The following MAP4K4 variants were observed in gnomAD, a reference collection of about 807,000 sequenced individuals.
MAP4K4 encodes HPK/GCK-like kinase HGK.
A neutral mutation model predicts 189.6 loss-of-function variants in MAP4K4; 38 were observed. The ratio of observed to expected loss-of-function variants is 0.20; its 90% CI spans 0.15 to 0.26. The LOEUF is 0.26. Among genes scored for constraint, MAP4K4 ranks in the 10% least tolerant of loss-of-function variants. The pLI is 1.00. For missense variants in MAP4K4, 1,054 were observed against 1,726.9 expected, an observed-to-expected ratio of 0.61 and a Z score of 6.91; for synonymous variants, 610 against 624.3, an observed-to-expected ratio of 0.98 and a Z score of 0.34.
chr2:101,744,987 T>C (rs968952717), intron 2 of MAP4K4, among the ~76,000 whole-genome samples: 5 of 152,186 alleles, frequency 3.3e-5, no homozygotes, highest in African/African-American at 1.2e-4. Flanking sequence ...GAAATTTTAA[T>C]TTCACTTTGT....
chr2:101,869,941 G>T, intron 22 of MAP4K4, 144 bp downstream of exon 22: 2 of 1,101,528 alleles, frequency 1.8e-6, no homozygotes, highest in South Asian at 3.4e-5. Flanking sequence ...AGGTCGCCTT[G>T]TGTTTCCCCT....
At chr2:101,723,458 T>C (rs753515866) in intron 2 of MAP4K4, among the ~76,000 whole-genome samples, 1 of 152,002 alleles carries the variant, frequency 6.6e-6, no homozygotes, top group Non-Finnish European at 1.5e-5. Context: ...ATAAAGTAGG[T>C]TCTAATTTGC....
At chr2:101,887,706 C>T (rs2098507771) in intron 30 of MAP4K4, 72 bp from the exon 31 acceptor site, 1 of 1,215,428 alleles carries the variant, frequency 8.2e-7, no homozygotes, top group Admixed American at 2.2e-5. Flanking sequence ...CACTAAGAGT[C>T]TTACTGAGCA....
chr2:101,835,368 C>A (rs975364335), intron 8 of MAP4K4, among the ~76,000 whole-genome samples: 1 of 152,206 alleles, frequency 6.6e-6, no homozygotes, highest in African/African-American at 2.4e-5. Flanking sequence ...GTGCCTAACA[C>A]ACCTTTATTG....
At chr2:101,698,271 C>T (rs1262384308) in intron 1 of MAP4K4, 134 bp downstream of exon 1, 3 of 437,278 alleles carry the variant, frequency 6.9e-6, no homozygotes, top group African/African-American at 2.1e-5. Flanking sequence ...CTTTGTCTTC[C>T]TGTGCGGGCT....
intron 2 of MAP4K4, among the ~76,000 whole-genome samples, chr2:101,727,370 G>A (rs1162606290): frequency 6.6e-6 from 1 of 152,160 alleles, no homozygotes; most frequent in Non-Finnish European, 1.5e-5. Context: ...TACAAAAAAT[G>A]TTATTTCCAC....
chr2:101,867,072 G>T, intron 19 of MAP4K4, 140 bp from the exon 20 acceptor site: 1 of 617,702 alleles, frequency 1.6e-6, no homozygotes, highest in East Asian at 2.8e-5. Context: ...GGCCCCCTCT[G>T]CTCTGTAATT....
At chr2:101,733,422 A>G (rs1329491483) in intron 2 of MAP4K4, among the ~76,000 whole-genome samples, 2 of 152,204 alleles carry the variant, frequency 1.3e-5, no homozygotes, top group Non-Finnish European at 2.9e-5. Context: ...GAGATCATGC[A>G]GCAAGTTAGT....
chr2:101,773,703 T>C (rs1271475420), intron 2 of MAP4K4, among the ~76,000 whole-genome samples: 1 of 152,202 alleles, frequency 6.6e-6, no homozygotes, highest in Non-Finnish European at 1.5e-5. Context: ...TTTCTAACTA[T>C]CTTTTTTGTA....
intron 2 of MAP4K4, among the ~76,000 whole-genome samples, chr2:101,744,698 C>T (rs2064400579): frequency 2.0e-5 from 3 of 152,080 alleles, no homozygotes; most frequent in South Asian, 4.1e-4. Flanking sequence ...CCTCTTCCCT[C>T]GCTTGAAGAC....
chr2:101,890,268 GT>G (rs2098546339), intron 32 of MAP4K4, among the ~76,000 whole-genome samples: 1 of 152,198 alleles, frequency 6.6e-6, no homozygotes, highest in African/African-American at 2.4e-5. Flanking sequence ...ATTAGAAGGT[GT>G]TAACAGTAGA....
intron 2 of MAP4K4, among the ~76,000 whole-genome samples, chr2:101,784,600 A>G (rs1392096304): frequency 2.0e-5 from 3 of 152,212 alleles, no homozygotes; most frequent in African/African-American, 7.2e-5. Context: ...CATGGACCAC[A>G]GTGGCTTGTG....
intron 28 of MAP4K4, among the ~76,000 whole-genome samples, chr2:101,883,580 AG>A (rs1236514816): frequency 1.3e-5 from 2 of 152,216 alleles, no homozygotes; most frequent in Non-Finnish European, 2.9e-5. Context: ...AATGGACCTT[AG>A]CCAAATTAAA....
At chr2:101,808,462 T>C (rs1043886246) in intron 3 of MAP4K4, among the ~76,000 whole-genome samples, 1 of 152,162 alleles carries the variant, frequency 6.6e-6, no homozygotes, top group Admixed American at 6.5e-5. Flanking sequence ...CAAGGCTTTT[T>C]GGCCCTTTGA....
chr2:101,819,019 G>A (rs531025659), intron 3 of MAP4K4, among the ~76,000 whole-genome samples: 1 of 152,294 alleles, frequency 6.6e-6, no homozygotes, highest in South Asian at 2.1e-4. Flanking sequence ...GAAGGGCATG[G>A]AGGACACAGT....
chr2:101,737,441 ATATATATATATATATATATATTTTTTTT>A (rs1255906039), intron 2 of MAP4K4, among the ~76,000 whole-genome samples: 2 of 32,662 alleles, frequency 6.1e-5, no homozygotes, highest in East Asian at 1.0e-3. Context: ...ATATATATAT[ATATATATATATATATATATATTTTTTTT>A]TTTTTTTTTT....
chr2:101,871,083 C>A (rs2097997384), intron 23 of MAP4K4, among the ~76,000 whole-genome samples: 1 of 152,096 alleles, frequency 6.6e-6, no homozygotes, highest in East Asian at 1.9e-4. Flanking sequence ...GGACTTTGCC[C>A]TAAGTGTGTT....
chr2:101,766,674 A>G (rs1344281571), intron 2 of MAP4K4, among the ~76,000 whole-genome samples: 1 of 150,834 alleles, frequency 6.6e-6, no homozygotes, highest in Admixed American at 6.6e-5. Flanking sequence ...GTTTTTTCCT[A>G]ACTTGTTTCC....
intron 2 of MAP4K4, among the ~76,000 whole-genome samples, chr2:101,714,133 T>C (rs2047151371): frequency 6.6e-6 from 1 of 152,230 alleles, no homozygotes; most frequent in Non-Finnish European, 1.5e-5. Flanking sequence ...CTAATGGTGC[T>C]GCGGAATGCT....
Sources: gnomAD v4.1 joint callset for allele counts (sites outside exome capture counted in the v4.1 genomes callset) on GRCh38, gnomAD v4.1.1 for gene constraint, MANE v1.5 for transcripts, NCBI Gene and HGNC (gene_info 2026-07-23, HGNC 2026-07-21) for gene names.